The following TAF11 variants were observed in gnomAD, a reference collection of about 807,000 sequenced individuals.
TAF11 encodes TATA-box binding protein associated factor 11.
Under a neutral mutation model 23.0 loss-of-function variants are expected in TAF11, and 10 were observed. The ratio of observed to expected loss-of-function variants is 0.43; its 90% confidence interval spans 0.27 to 0.74. The LOEUF (loss-of-function observed/expected upper bound fraction) is 0.74, where lower values mean the gene tolerates loss of function less well. Among genes scored for constraint, TAF11 ranks in the 30% least tolerant of loss-of-function variants. The probability of loss-of-function intolerance (pLI) is 0.19; values close to 1 mark genes in which losing one functional copy is unlikely to be tolerated. For synonymous variants in TAF11, 85 were observed against 95.8 expected (o/e 0.89, Z 0.66); for missense variants, 196 against 261.7 (o/e 0.75, Z 1.73).
intron 2 of TAF11, among the ~76,000 whole-genome samples, chr6:34,881,145 G>A (rs1766416821): frequency 6.6e-6 from 1 of 152,090 alleles, no homozygotes; most frequent in Admixed American, 6.6e-5. Flanking sequence ...GGACAAGTAT[G>A]CAAAGATATG....
At position 34,879,457 on chromosome 6, in the gene TAF11, G is replaced by A. The variant is rs1362244466; in HGVS notation, c.505+510C>T. The A allele has an allele frequency of 3.1e-6, 3 of 962,816 alleles. No individual in the cohort carries two copies. The South Asian group carries it at 1.4e-4, about 46-fold the overall frequency. 59.6% of individuals were successfully genotyped at this position (962,816 alleles called of 1,614,324 possible). A position where few individuals can be genotyped will look rare whatever the true frequency, so the allele number is the denominator to read the frequency against. Reference sequence around the variant, plus strand: ...CCACTGCACTCCAGCCTGGGTGACAGAGTGAGACCCTGTCTCAAAAAATAA... The same window carrying A: ...CCACTGCACTCCAGCCTGGGTGACAAAGTGAGACCCTGTCTCAAAAAATAA... On this transcript the variant is annotated intron_variant, in intron 4 of 4. Coordinates refer to ENST00000361288, the MANE Select transcript of TAF11 (RefSeq NM_005643.4).
chr6:34,887,158 T>C (rs1167384440), intron 1 of TAF11, among the ~76,000 whole-genome samples: 2 of 151,942 alleles, frequency 1.3e-5, no homozygotes. Context: ...AAAAATTAGC[T>C]GGGCATGGTG....
intron 1 of TAF11, among the ~76,000 whole-genome samples, chr6:34,884,087 T>C (rs1004511313): frequency 1.3e-5 from 2 of 152,234 alleles, no homozygotes; most frequent in African/African-American, 4.8e-5. Flanking sequence ...GGAATATAAA[T>C]TGTTCTATTA....
chr6:34,880,237 T>C lies in TAF11; in HGVS notation c.408+52A>G, dbSNP rs560981548. The C allele has an allele frequency of 3.1e-6, 5 of 1,591,552 alleles. No homozygotes were observed. The Admixed American group carries it at 8.4e-5, about 27-fold the overall frequency. Reference sequence around the variant, plus strand: ...TTCAAATGCCAATGGACATGGCTCTTGAGTTCAGTTCTAAAACGTGATGGA... The same window carrying C: ...TTCAAATGCCAATGGACATGGCTCTCGAGTTCAGTTCTAAAACGTGATGGA... On this transcript the variant is annotated intron_variant, in intron 3 of 4. Transcript: ENST00000361288. The surrounding 1 kb of genome is among the most constrained non-coding windows in gnomAD (Gnocchi z 4.8).
Position 34,878,656 on chromosome 6 carries a change from G to T in TAF11, c.570C>A (p.Ala190=). The T allele has an allele frequency of 6.2e-7, 1 of 1,613,912 alleles. No individual in the cohort carries two copies. The highest frequency in any genetic ancestry group is 8.5e-7 in the Non-Finnish European group (1 of 1,179,944). ...PPLQPKHMRE[A]VRRLKSKGQI... is the part of the protein sequence containing the mutation. ...GTCCTTTTGACTTTAACCTTCTAAC[G>T]GCTTCCCTCATATGTTTGGGTTGTA... Residue 190 remains alanine, a synonymous_variant, in exon 5 of 5, where the codon GCC becomes GCA. Coordinates refer to ENST00000361288, the MANE Select transcript of TAF11 (RefSeq NM_005643.4).
rs1243164628 is a variant in TAF11, at chr6:34,880,890, C to T, written c.321-514G>A. 6.6e-6 allele frequency among the ~76,000 whole-genome samples: 1 copy of T among 152,104 alleles called. No homozygotes were observed. Among genetic ancestry groups the T allele is most frequent in the Non-Finnish European group, 1.5e-5 (1 of 68,020 alleles). On this transcript the variant is annotated intron_variant, in intron 2 of 4. Transcript: ENST00000361288. The surrounding 1 kb of genome is among the most constrained non-coding windows in gnomAD (Gnocchi z 4.8). ...TACCAAAATACCAATGGTCAATCAA[C>T]ATGGGGGAAACAACCTTCATTATTA...
chr6:34,887,698 C>T, intron 1 of TAF11, 89 bp downstream of exon 1: 2 of 1,518,104 alleles, frequency 1.3e-6, no homozygotes, highest in South Asian at 1.1e-5. Flanking sequence ...GTTCTCGTAA[C>T]TTGTTAGGGA....
intron 1 of TAF11, among the ~76,000 whole-genome samples, chr6:34,885,798 G>C (rs1290692411): frequency 6.6e-6 from 1 of 151,986 alleles, no homozygotes; most frequent in African/African-American, 2.4e-5. Context: ...AACATAATAA[G>C]ACCTTGTCTC....
rs540689779 is a variant in TAF11 at position 34,882,220 on chromosome 6, C to T, written c.320+712G>A. Among the ~76,000 whole-genome samples, 120 of 151,408 alleles carry T rather than the reference C, an allele frequency of 7.9e-4. 1 individual carries two copies. Among genetic ancestry groups the T allele is most frequent in the African/African-American group, 2.6e-3 (109 of 41,282 alleles). ...AGGCATGGTGGCAGGAGCCTGTAGT[C>T]CCAGCTACCTGGGAGGCTGAGGCAG... On this transcript the variant is annotated intron_variant, in intron 2 of 4. Transcript: ENST00000361288.
rs4646949 is a variant in TAF11 at position 34,877,672 on chromosome 6, T to C, written c.*918A>G. 1 of 152,122 alleles carries C rather than the reference T, an allele frequency of 6.6e-6. No homozygotes were observed. Among genetic ancestry groups the C allele is most frequent in the Non-Finnish European group, 1.5e-5 (1 of 67,988 alleles). The allele number at this position is 152,122 out of a possible 1,614,324, so 9.4% of individuals were successfully genotyped here. ...ATTTTAATGGTTCTACTAGAAAAAG[T>C]GCTCAAATTTTCACAAAATAGCCAA... On this transcript the variant is annotated 3_prime_UTR_variant, in exon 5 of 5. Transcript: ENST00000361288.
rs745830118 is a variant in TAF11, at chr6:34,887,990, G to C, written c.-33C>G. On this transcript the variant is annotated 5_prime_UTR_variant, in exon 1 of 5. Transcript: ENST00000361288. ...AGGATTGGAGGGGAGAGGAGATCGC[G>C]GAGATGCCTGAGGCAGAAGCTCGGA... 1 of 1,612,230 alleles carries C rather than the reference G, an allele frequency of 6.2e-7. No homozygotes were observed. The highest frequency in any genetic ancestry group is 2.2e-5 in the East Asian group (1 of 44,852).
Position 34,878,093 on chromosome 6 carries a change from T to C in TAF11, c.*497A>G, listed in dbSNP as rs1766341922. 1 of 152,270 alleles carries C rather than the reference T, an allele frequency of 6.6e-6. No homozygotes were observed. The allele number at this position is 152,270 out of a possible 1,614,324, so 9.4% of individuals were successfully genotyped here. ...AGCAAGACCCCATCTCCATAAAAAA[T>C]AAAAATAAGTTAGCTGGGCACAGTA... On this transcript the variant is annotated 3_prime_UTR_variant, in exon 5 of 5. Coordinates refer to ENST00000361288, the MANE Select transcript of TAF11 (RefSeq NM_005643.4).
intron 1 of TAF11, among the ~76,000 whole-genome samples, chr6:34,884,920 ATAACTT>A (rs1345692809): frequency 1.3e-5 from 2 of 152,218 alleles, no homozygotes; most frequent in African/African-American, 4.8e-5. Context: ...AAATGTCTTT[ATAACTT>A]TAAAGATCTC....
At chr6:34,881,864 T>G (rs1581640780) in intron 2 of TAF11, among the ~76,000 whole-genome samples, 1 of 151,442 alleles carries the variant, frequency 6.6e-6, no homozygotes, top group Middle Eastern at 3.4e-3. Context: ...ACCTGGCTAA[T>G]TTTTTGTAAT....
intron 1 of TAF11, among the ~76,000 whole-genome samples, chr6:34,886,666 A>G (rs764943366): frequency 2.0e-5 from 3 of 151,946 alleles, no homozygotes; most frequent in Admixed American, 2.0e-4. Context: ...GGGTTTCGCC[A>G]TGTTGGCCAG....
At chr6:34,884,986 T>C (rs1008712937) in intron 1 of TAF11, among the ~76,000 whole-genome samples, 1 of 108,470 alleles carries the variant, frequency 9.2e-6, no homozygotes, top group Non-Finnish European at 1.6e-5. Flanking sequence ...TACATTTACA[T>C]TTTAAATAAT....
chr6:34,887,896 G>A lies in TAF11; in HGVS notation c.62C>T (p.Thr21Met), dbSNP rs747868883. 1.9e-6 allele frequency: 3 copies of A among 1,614,178 alleles called. No homozygotes were observed. Among genetic ancestry groups the A allele is most frequent in the East Asian group, 2.2e-5 (1 of 44,874 alleles). ...CCCCGGGTCCCCGGGCACAGCGGCC[G>A]TCTCATCCGACTCCCCTGTCTCTCC... ...KGGETGESDE[T>M]AAVPGDPGAT... Residue 21 changes from threonine (T) to methionine (M), a missense_variant, in exon 1 of 5, where the codon ACG (threonine) becomes ATG (methionine). Thr to Met is a moderately conservative substitution (Grantham distance 81). Transcript: ENST00000361288.
Position 34,880,124 on chromosome 6 carries a change from T to C in TAF11, c.409-61A>G. 1 of 1,561,090 alleles carries C rather than the reference T, an allele frequency of 6.4e-7. No individual in the cohort carries two copies. Among genetic ancestry groups the C allele is most frequent in the Non-Finnish European group, 8.8e-7 (1 of 1,135,020 alleles). On this transcript the variant is annotated intron_variant, in intron 3 of 4. Transcript: ENST00000361288. This position sits in a 1 kb window ranked among gnomAD's most constrained non-coding sequence, Gnocchi z 4.8. ...GTCAAAGACTGGCTTTGGAACACAG[T>C]ACCAAGTAATTCACAGAAAAAGGTA... is the stretch of plus-strand genomic sequence containing the variant.
At chr6:34,887,763 C>G (rs1766561384) in intron 1 of TAF11, 24 bp downstream of exon 1, 2 of 1,613,748 alleles carry the variant, frequency 1.2e-6, no homozygotes, top group Non-Finnish European at 8.5e-7. Context: ...ATTCCTTCAG[C>G]CTCATCAGTA....
Sources: gnomAD v4.1 joint callset for allele counts (sites outside exome capture counted in the v4.1 genomes callset) on GRCh38, gnomAD v4.1.1 for gene constraint, Gnocchi (gnomAD v3.1) non-coding constraint, MANE v1.5 for transcripts, NCBI Gene and HGNC (gene_info 2026-07-23, HGNC 2026-07-21) for gene names.